Variants in FAM161B observed in about 807,000 individuals in gnomAD.
FAM161B encodes the protein protein FAM161B.
A neutral mutation model predicts 61.5 loss-of-function variants in FAM161B; 46 were observed. That is an observed-to-expected ratio of 0.75 (90% CI 0.59 to 0.96). The LOEUF is 0.96. FAM161B is among the 40% of genes least tolerant of loss of function. The probability of loss-of-function intolerance (pLI) is 0.00; values close to 1 mark genes in which losing one functional copy is unlikely to be tolerated. For missense variants in FAM161B, 774 were observed against 800.7 expected (o/e 0.97, Z 0.40); for synonymous variants, 284 against 302.7 (o/e 0.94, Z 0.64).
downstream of FAM161B, chr14:73,927,940 C>T: frequency 5.9e-6 from 1 of 169,392 alleles, no homozygotes; most frequent in Non-Finnish European, 1.3e-5. Context: ...TGGGTTCAAG[C>T]AATTCTCATG....
the FAM161B span, chr14:73,923,565 G>A: frequency 6.3e-7 from 1 of 1,583,928 alleles, no homozygotes; most frequent in East Asian, 2.3e-5. Flanking sequence ...CAATTCATGT[G>A]GGGAATGATT....
At chr14:73,939,758 T>C (rs1187467926) in intron 5 of FAM161B, among the ~76,000 whole-genome samples, 1 of 152,260 alleles carries the variant, frequency 6.6e-6, no homozygotes, top group Non-Finnish European at 1.5e-5. Context: ...CAAAGTAATA[T>C]GTTGAGTTCT....
In FAM161B at chr14:73,937,601, C is replaced by T; in HGVS notation, c.1665+1G>A. On this transcript the variant is annotated splice_donor_variant, in intron 7 of 8. Coordinates refer to ENST00000286544, the MANE Select transcript of FAM161B (RefSeq NM_152445.3). LOFTEE classifies it high-confidence loss of function. ...GAAAACAAATGATGGTTTAGTTTTACCTTGGCAACTTGTTCAAAGAGATAG... is the reference window on the plus strand; with the variant it reads ...GAAAACAAATGATGGTTTAGTTTTATCTTGGCAACTTGTTCAAAGAGATAG... The T allele has an allele frequency of 6.2e-7, 1 of 1,611,158 alleles. No homozygotes were observed.
At chr14:73,937,404 G>A (rs1179322535) in intron 7 of FAM161B, among the ~76,000 whole-genome samples, 198 bp downstream of exon 7, 1 of 152,114 alleles carries the variant, frequency 6.6e-6, no homozygotes, top group African/African-American at 2.4e-5. Context: ...CGATGCCTTT[G>A]GAGTCCACTC....
At position 73,942,610 on chromosome 14, in the gene FAM161B, G is replaced by A. The variant is rs569629230; in HGVS notation, c.1031C>T (p.Pro344Leu). The A allele has an allele frequency of 3.1e-6, 5 of 1,614,212 alleles. No homozygotes were observed. In the South Asian group the frequency reaches 5.5e-5, roughly 18 times the overall value. Residue 344 changes from proline to leucine, a missense_variant, in exon 4 of 9, where the codon CCC becomes CTC. Pro to Leu is a moderately conservative substitution (Grantham distance 98). Coordinates refer to ENST00000286544, the MANE Select transcript of FAM161B (RefSeq NM_152445.3). The stretch of plus-strand genomic sequence containing the variant: ...CTGCTGGGTTCGGGTGGCTGTGCGG[G>A]GCTGTGGGTTAGCCCGGTTACTAGA... Reference protein sequence around the residue: ...ASSSNRANPQPRTATRTQQEK... With the variant: ...ASSSNRANPQLRTATRTQQEK...
chr14:73,943,607 C>G (rs551530438), intron 3 of FAM161B, among the ~76,000 whole-genome samples: 3 of 152,326 alleles, frequency 2.0e-5, no homozygotes, highest in African/African-American at 7.2e-5. Context: ...TCTCCTCCCT[C>G]TTCGCCCCTC....
chr14:73,934,430 A>ATT, intron 8 of FAM161B, 36 bp from the exon 9 acceptor site: 1 of 1,570,140 alleles, frequency 6.4e-7, no homozygotes, highest in Non-Finnish European at 8.6e-7. Flanking sequence ...AACAAAAAAA[A>ATT]TTTTTTTTTC....
At chr14:73,941,811 T>G (rs1018994641) in intron 4 of FAM161B, among the ~76,000 whole-genome samples, 1 of 152,142 alleles carries the variant, frequency 6.6e-6, no homozygotes, top group Non-Finnish European at 1.5e-5. Context: ...GTTCAAGCAA[T>G]TCTCCTACCT....
chr14:73,922,884 A>G, the FAM161B span: 1 of 152,364 alleles, frequency 6.6e-6, no homozygotes, highest in Non-Finnish European at 1.5e-5. Flanking sequence ...AGCATAAAAT[A>G]GTTGTATAAT....
At chr14:73,937,180 G>C (rs2055977047) in intron 7 of FAM161B, among the ~76,000 whole-genome samples, 1 of 152,184 alleles carries the variant, frequency 6.6e-6, no homozygotes. Flanking sequence ...CTAATGCTTG[G>C]AGACCTATAA....
At chr14:73,949,913 C>T in intron 1 of FAM161B, 60 bp downstream of exon 1, 1 of 1,600,970 alleles carries the variant, frequency 6.2e-7, no homozygotes, top group Non-Finnish European at 8.5e-7. Context: ...TCCAAGGCAA[C>T]GCCCAACAGT....
intron 1 of FAM161B, among the ~76,000 whole-genome samples, chr14:73,948,902 C>T (rs1037536426): frequency 4.0e-5 from 6 of 151,898 alleles, no homozygotes; most frequent in African/African-American, 7.3e-5. Flanking sequence ...ACTGGAGGCA[C>T]GCGCCACCAC....
rs1286884840 is a variant in FAM161B, at chr14:73,934,241, T to A, written c.*15A>T. Reference sequence around the variant, plus strand: ...GCTTAATATTTTTCAAAAGCAGTAATTTTAAGTGTAGTGATTAAGCAAGTG... The same window carrying A: ...GCTTAATATTTTTCAAAAGCAGTAAATTTAAGTGTAGTGATTAAGCAAGTG... On this transcript the variant is annotated 3_prime_UTR_variant, in exon 9 of 9. Coordinates refer to ENST00000286544, the MANE Select transcript of FAM161B (RefSeq NM_152445.3). 6.3e-7 allele frequency: 1 copy of A among 1,599,480 alleles called. No homozygotes were observed.
At chr14:73,949,255 A>C (rs1219290845) in intron 1 of FAM161B, among the ~76,000 whole-genome samples, 1 of 152,172 alleles carries the variant, frequency 6.6e-6, no homozygotes, top group Non-Finnish European at 1.5e-5. Flanking sequence ...GGCATGTGCC[A>C]CCACGTCCAG....
intron 8 of FAM161B, 123 bp downstream of exon 8, chr14:73,935,826 T>C: frequency 9.2e-7 from 1 of 1,082,708 alleles, no homozygotes; most frequent in Non-Finnish European, 1.3e-6. Flanking sequence ...TACTTATTAA[T>C]GTTACATAAA....
downstream of FAM161B, chr14:73,927,832 A>ATTTTT (rs11461357): frequency 7.4e-4 from 106 of 143,492 alleles, 2 homozygotes; most frequent in South Asian, 0.023. Context: ...TCAACCGGCA[A>ATTTTT]TTTTTTTTTT....
rs752407731 is a variant in FAM161B, at chr14:73,944,596, G to A, written c.664C>T (p.Pro222Ser). 1 of 1,614,038 alleles carries A rather than the reference G, an allele frequency of 6.2e-7. No homozygotes were observed. Among genetic ancestry groups the A allele is most frequent in the Non-Finnish European group, 8.5e-7 (1 of 1,180,024 alleles). ...TAGAGGGGCAGGTAGACATGTGCAG[G>A]CACAGGCTGTGCCCGGAACTGCCTG... Reference protein sequence around the residue: ...CHRQFRAQPVPAHVYLPLYQE... With the variant: ...CHRQFRAQPVSAHVYLPLYQE... Residue 222 changes from proline (P) to serine (S), a missense_variant, in exon 3 of 9, where the codon CCT becomes TCT. Pro to Ser is a moderately conservative substitution (Grantham distance 74). Transcript: ENST00000286544.
intron 1 of FAM161B, among the ~76,000 whole-genome samples, chr14:73,948,042 A>C (rs987589439): frequency 6.6e-6 from 1 of 152,006 alleles, no homozygotes; most frequent in African/African-American, 2.4e-5. Context: ...CTCCCACCTC[A>C]GCCTCCCGAG....
chr14:73,931,431 C>A, downstream of FAM161B: 1 of 1,403,952 alleles, frequency 7.1e-7, no homozygotes, highest in South Asian at 1.2e-5. Context: ...ACTCTTAATA[C>A]TTTTTACTAT....
Sources: allele counts gnomAD v4.1 joint callset (sites outside exome capture counted in the v4.1 genomes callset), GRCh38; gene constraint gnomAD v4.1.1; transcripts MANE v1.5; gene names NCBI Gene and HGNC (gene_info 2026-07-23, HGNC 2026-07-21).